SLC25A26: variants seen among roughly 807,000 people sequenced by gnomAD.
SLC25A26 encodes solute carrier family 25 member 26.
A neutral mutation model predicts 37.8 loss-of-function variants in SLC25A26; 36 were observed. The observed-to-expected ratio is 0.95, with a 90% CI of 0.73 to 1.26. SLC25A26 has a LOEUF of 1.26. SLC25A26 is among the 50% of genes most tolerant of loss of function. The pLI is 0.00. For synonymous variants in SLC25A26, 129 were observed against 122.5 expected (o/e 1.05, Z -0.35); for missense variants, 390 against 331.1 (o/e 1.18, Z -1.38).
intron 5 of SLC25A26, among the ~76,000 whole-genome samples, chr3:66,290,519 C>T (rs774595900): frequency 2.0e-5 from 3 of 152,098 alleles, no homozygotes; most frequent in Non-Finnish European, 2.9e-5. Context: ...GAGTTTTTAG[C>T]ATGAAGAGAT....
intron 5 of SLC25A26, among the ~76,000 whole-genome samples, chr3:66,271,550 A>G (rs1182616429): frequency 6.6e-6 from 1 of 152,124 alleles, no homozygotes; most frequent in Admixed American, 6.6e-5. Flanking sequence ...CCTGGGACAG[A>G]TGGTATCTCA....
At chr3:66,212,909 G>A (rs993560360) in intron 1 of SLC25A26, among the ~76,000 whole-genome samples, 4 of 152,084 alleles carry the variant, frequency 2.6e-5, no homozygotes, top group Non-Finnish European at 5.9e-5. Context: ...ATTGACATTC[G>A]GTTGTAGAAA....
chr3:66,349,536 A>T (rs1053272081), intron 6 of SLC25A26, among the ~76,000 whole-genome samples: 1 of 151,836 alleles, frequency 6.6e-6, no homozygotes, highest in East Asian at 1.9e-4. Flanking sequence ...TGCTTGTACC[A>T]GTAGTTTGTT....
chr3:66,172,904 A>G (rs1055664809), intron 1 of SLC25A26, among the ~76,000 whole-genome samples: 25 of 152,184 alleles, frequency 1.6e-4, no homozygotes, highest in African/African-American at 5.6e-4. Context: ...TAGGCACCTC[A>G]TCTTAACTAA....
At chr3:66,311,301 T>G (rs532569667) in intron 5 of SLC25A26, among the ~76,000 whole-genome samples, 106 of 152,110 alleles carry the variant, frequency 7.0e-4, no homozygotes, top group Non-Finnish European at 8.1e-4. Flanking sequence ...TACTTGTGTA[T>G]GCTTCACGAA....
intron 1 of SLC25A26, among the ~76,000 whole-genome samples, chr3:66,152,567 C>G (rs1240055976): frequency 6.6e-6 from 1 of 151,930 alleles, no homozygotes; most frequent in Admixed American, 6.6e-5. Context: ...ATGATATCAG[C>G]TTTTCCAGCT....
intron 5 of SLC25A26, among the ~76,000 whole-genome samples, chr3:66,313,426 T>C (rs909862410): frequency 6.6e-6 from 1 of 152,206 alleles, no homozygotes; most frequent in Admixed American, 6.5e-5. Context: ...GATCAGATGG[T>C]TGTAGATGTG....
intron 5 of SLC25A26, among the ~76,000 whole-genome samples, chr3:66,285,868 C>A (rs1326675792): frequency 6.6e-6 from 1 of 152,150 alleles, no homozygotes; most frequent in East Asian, 1.9e-4. Flanking sequence ...CCTGCCCTTA[C>A]TAGAGGGGAA....
chr3:66,222,413 C>T (rs1028844231), intron 1 of SLC25A26, among the ~76,000 whole-genome samples: 1 of 152,098 alleles, frequency 6.6e-6, no homozygotes, highest in African/African-American at 2.4e-5. Flanking sequence ...ATCTCCTGAC[C>T]TCGTGATCCC....
intron 5 of SLC25A26, among the ~76,000 whole-genome samples, chr3:66,314,351 T>G (rs1442635579): frequency 6.6e-6 from 1 of 152,160 alleles, no homozygotes; most frequent in Non-Finnish European, 1.5e-5. Context: ...ACTGAAGGCC[T>G]TTTCTGTGTC....
chr3:66,229,139 T>C (rs557827741), intron 1 of SLC25A26, among the ~76,000 whole-genome samples: 8 of 152,354 alleles, frequency 5.3e-5, no homozygotes, highest in African/African-American at 1.4e-4. Context: ...TATAGTAATA[T>C]AATTCTAAAA....
intron 5 of SLC25A26, among the ~76,000 whole-genome samples, chr3:66,321,485 G>A (rs568285726): frequency 2.6e-5 from 4 of 152,244 alleles, no homozygotes; most frequent in Non-Finnish European, 2.9e-5. Flanking sequence ...AAACCCTTCC[G>A]TGTAGGGATT....
At chr3:66,251,128 A>G (rs1261074154) in intron 3 of SLC25A26, among the ~76,000 whole-genome samples, 4 of 152,138 alleles carry the variant, frequency 2.6e-5, no homozygotes, top group Non-Finnish European at 4.4e-5. Flanking sequence ...TGTTTGGAGC[A>G]CAGTATGATA....
chr3:66,267,073 A>G (rs185643224), intron 5 of SLC25A26, among the ~76,000 whole-genome samples: 2 of 152,304 alleles, frequency 1.3e-5, no homozygotes, highest in East Asian at 3.9e-4. Context: ...TCTGCCCTGA[A>G]GCATTCACTT....
intron 5 of SLC25A26, among the ~76,000 whole-genome samples, chr3:66,272,353 G>A (rs889538498): frequency 5.9e-5 from 9 of 152,034 alleles, no homozygotes; most frequent in African/African-American, 1.7e-4. Flanking sequence ...TTCTGGGGAG[G>A]AAAATATGTA....
At chr3:66,348,290 C>G (rs75832825) in intron 6 of SLC25A26, among the ~76,000 whole-genome samples, 1,888 of 152,220 alleles carry the variant, frequency 0.012, 34 homozygotes, top group African/African-American at 0.043. Flanking sequence ...AGACCATAAT[C>G]AAGAAGAATA....
intron 1 of SLC25A26, among the ~76,000 whole-genome samples, chr3:66,195,135 A>G (rs1279524090): frequency 6.6e-6 from 1 of 152,110 alleles, no homozygotes; most frequent in African/African-American, 2.4e-5. Flanking sequence ...CTGCTCCCCA[A>G]CGCATGCTCG....
At chr3:66,323,391 C>T (rs1302156817) in intron 5 of SLC25A26, among the ~76,000 whole-genome samples, 3 of 152,222 alleles carry the variant, frequency 2.0e-5, no homozygotes, top group Non-Finnish European at 4.4e-5. Flanking sequence ...CAAGTTCTTG[C>T]CTGCTGCCCA....
At chr3:66,203,073 GTAAC>G (rs1356227811) in intron 1 of SLC25A26, among the ~76,000 whole-genome samples, 1 of 151,950 alleles carries the variant, frequency 6.6e-6, no homozygotes, top group African/African-American at 2.4e-5. Context: ...TTCTAGATTC[GTAAC>G]TAACTTTTGA....
Sources: allele counts gnomAD v4.1 joint callset (sites outside exome capture counted in the v4.1 genomes callset), GRCh38; gene constraint gnomAD v4.1.1; transcripts MANE v1.5; gene names NCBI Gene and HGNC (gene_info 2026-07-23, HGNC 2026-07-21).